RBFOX1: variants seen among roughly 807,000 people sequenced by gnomAD.
The protein encoded by RBFOX1 is RNA binding fox-1 homolog 1, also known as RNA binding protein fox-1 homolog 1.
A neutral mutation model predicts 57.7 loss-of-function variants in RBFOX1; 8 were observed. The observed-to-expected ratio is 0.14, with a 90% CI of 0.08 to 0.25. RBFOX1 has a LOEUF of 0.25. Among genes scored for constraint, RBFOX1 ranks in the 10% least tolerant of loss-of-function variants. The probability of loss-of-function intolerance (pLI) is 1.00; values close to 1 mark genes in which losing one functional copy is unlikely to be tolerated. For missense variants in RBFOX1, 611 were observed against 548.5 expected, an observed-to-expected ratio of 1.11 and a Z score of -1.14; for synonymous variants, 326 against 222.4, an observed-to-expected ratio of 1.47 and a Z score of -4.15.
chr16:7,509,400 G>GTGTGTGTGTGTGTCTGTGTC (rs1283431330), intron 4 of RBFOX1, among the ~76,000 whole-genome samples: 8 of 52,110 alleles, frequency 1.5e-4, no homozygotes, highest in African/African-American at 5.0e-4. Context: ...CTGTGTGTGT[G>GTGTGTGTGTGTGTCTGTGTC]TGTGTGTGTG....
chr16:6,968,824 T>G (rs1037089618), intron 3 of RBFOX1, among the ~76,000 whole-genome samples: 3 of 151,820 alleles, frequency 2.0e-5, no homozygotes, highest in South Asian at 4.2e-4. Context: ...TTTTTTTGTT[T>G]TTTTTTTTTT....
At chr16:6,388,528 A>G (rs1427866597) in intron 2 of RBFOX1, among the ~76,000 whole-genome samples, 1 of 152,076 alleles carries the variant, frequency 6.6e-6, no homozygotes, top group Non-Finnish European at 1.5e-5. Flanking sequence ...AAAATTGTGT[A>G]TATTTGTCGT....
At position 7,563,436 on chromosome 16, in the gene RBFOX1, G is replaced by C. The variant is rs568376998; in HGVS notation, c.271-16341G>C. Among the ~76,000 whole-genome samples the C allele has an allele frequency of 1.5e-4, 23 of 152,244 alleles. 1 individual carries two copies. The South Asian group carries it at 4.6e-3, about 30-fold the overall frequency. On this transcript the variant is annotated intron_variant, in intron 5 of 15. Transcript: ENST00000550418. ...GTTTCGAAGTCTATAAATGTGTCTT[G>C]TTGTTATTGCTATTGTTATATATAT...
At chr16:6,297,797 G>T (rs2078304601) in intron 1 of RBFOX1, among the ~76,000 whole-genome samples, 1 of 152,184 alleles carries the variant, frequency 6.6e-6, no homozygotes, top group South Asian at 2.1e-4. Context: ...TCTGAACGCT[G>T]AGAGGAGTTC....
chr16:7,455,662 T>C (rs751095569), intron 4 of RBFOX1, among the ~76,000 whole-genome samples: 78 of 150,796 alleles, frequency 5.2e-4, no homozygotes, highest in African/African-American at 1.9e-3. Context: ...CCAGGCGTGG[T>C]TGTAGTCCCA....
chr16:5,472,635 G>C (rs1249312458), intron 2 of RBFOX1, among the ~76,000 whole-genome samples: 1 of 152,100 alleles, frequency 6.6e-6, no homozygotes, highest in African/African-American at 2.4e-5. Flanking sequence ...TGCCCTCCTG[G>C]ACTGGGTCTC....
chr16:6,626,516 T>G (rs2098310270), intron 2 of RBFOX1, among the ~76,000 whole-genome samples: 1 of 152,156 alleles, frequency 6.6e-6, no homozygotes. Flanking sequence ...TCCCAGCACT[T>G]TGGGAGGCCG....
intron 4 of RBFOX1, among the ~76,000 whole-genome samples, chr16:6,013,726 C>A (rs550632008): frequency 6.6e-6 from 1 of 152,040 alleles, no homozygotes; most frequent in South Asian, 2.1e-4. Flanking sequence ...TAGTATTCCA[C>A]GGTGTATGTG....
At chr16:6,729,195 G>C (rs1207177618) in intron 3 of RBFOX1, among the ~76,000 whole-genome samples, 1 of 152,032 alleles carries the variant, frequency 6.6e-6, no homozygotes, top group African/African-American at 2.4e-5. Context: ...AGACTTACCT[G>C]GGAGATATAT....
Position 6,128,346 on chromosome 16 carries a change from G to T in RBFOX1, c.-127+108354G>T, listed in dbSNP as rs117310812. ...ACCCTATTACTCTAAGAAGACTTCTGTGTCCAGCCATGATGCTACAACTGA... is the reference window on the plus strand; with the variant it reads ...ACCCTATTACTCTAAGAAGACTTCTTTGTCCAGCCATGATGCTACAACTGA... On this transcript the variant is annotated intron_variant, in intron 1 of 15. Transcript: ENST00000550418. 7.0e-4 allele frequency among the ~76,000 whole-genome samples: 106 copies of T among 152,204 alleles called. No homozygotes were observed. The East Asian group carries it at 0.017, about 25-fold the overall frequency.
intron 2 of RBFOX1, among the ~76,000 whole-genome samples, chr16:6,330,082 C>T (rs2082829933): frequency 6.6e-6 from 1 of 152,170 alleles, no homozygotes; most frequent in Non-Finnish European, 1.5e-5. Flanking sequence ...AGATGAAGAA[C>T]ATGAGCACAC....
intron 3 of RBFOX1, among the ~76,000 whole-genome samples, chr16:6,690,169 T>G (rs2060002058): frequency 6.6e-6 from 1 of 152,212 alleles, no homozygotes; most frequent in Admixed American, 6.5e-5. Flanking sequence ...TGAATAAATG[T>G]TTTATTACTC....
intron 3 of RBFOX1, among the ~76,000 whole-genome samples, chr16:5,679,152 C>T (rs753354922): frequency 6.6e-6 from 1 of 152,156 alleles, no homozygotes; most frequent in Non-Finnish European, 1.5e-5. Context: ...GCAGAGTACC[C>T]TGGAAAGGGC....
At chr16:7,131,968 A>T (rs2070545660) in intron 4 of RBFOX1, among the ~76,000 whole-genome samples, 2 of 151,202 alleles carry the variant, frequency 1.3e-5, no homozygotes, top group Non-Finnish European at 2.9e-5. Context: ...ACTTTAAAAA[A>T]CATTGATGAC....
chr16:6,595,439 T>C (rs1476934307), intron 2 of RBFOX1, among the ~76,000 whole-genome samples: 1 of 152,230 alleles, frequency 6.6e-6, no homozygotes, highest in Admixed American at 6.5e-5. Context: ...ATATACGACG[T>C]TGTGTTTGTC....
At chr16:7,410,329 G>C (rs2098411167) in intron 4 of RBFOX1, among the ~76,000 whole-genome samples, 1 of 152,174 alleles carries the variant, frequency 6.6e-6, no homozygotes, top group Non-Finnish European at 1.5e-5. Flanking sequence ...CTGAGCTGTG[G>C]GAATAATTTG....
chr16:5,923,024 C>T (rs1018508416), intron 4 of RBFOX1, among the ~76,000 whole-genome samples: 4 of 152,144 alleles, frequency 2.6e-5, no homozygotes, highest in African/African-American at 7.2e-5. Flanking sequence ...CCCCATGCCT[C>T]TTCCCAGGGG....
chr16:5,331,151 G>A (rs550188016), intron 1 of RBFOX1, among the ~76,000 whole-genome samples: 1 of 152,126 alleles, frequency 6.6e-6, no homozygotes, highest in African/African-American at 2.4e-5. Context: ...TATAACTTAC[G>A]TGGACTCCTC....
At chr16:5,327,769 G>A (rs879006685) in intron 1 of RBFOX1, among the ~76,000 whole-genome samples, 4 of 152,134 alleles carry the variant, frequency 2.6e-5, no homozygotes, top group Non-Finnish European at 5.9e-5. Flanking sequence ...TAAGCCAAGC[G>A]AAAATGAATT....
Sources: allele counts gnomAD v4.1 joint callset (sites outside exome capture counted in the v4.1 genomes callset), GRCh38; gene constraint gnomAD v4.1.1; transcripts MANE v1.5; gene names NCBI Gene and HGNC (gene_info 2026-07-23, HGNC 2026-07-21).